The following MATCAP2 variants were observed in gnomAD, a reference collection of about 807,000 sequenced individuals.
MATCAP2 encodes the protein microtubule associated tyrosine carboxypeptidase 2.
chr7:36,348,949 T>C, the MATCAP2 span, among the ~76,000 whole-genome samples: 16 of 152,334 alleles, frequency 1.1e-4, no homozygotes, highest in African/African-American at 3.8e-4. Flanking sequence ...ATTCTGGGAA[T>C]AGCTGAAATA....
At chr7:36,369,799 A>C in the MATCAP2 span, among the ~76,000 whole-genome samples, 1 of 152,208 alleles carries the variant, frequency 6.6e-6, no homozygotes, top group Non-Finnish European at 1.5e-5. Flanking sequence ...GTATACATAC[A>C]TATAAAAATT....
the MATCAP2 span, among the ~76,000 whole-genome samples, chr7:36,360,728 A>C: frequency 6.3e-4 from 96 of 152,328 alleles, no homozygotes; most frequent in African/African-American, 2.2e-3. Flanking sequence ...TTGTGAAAAA[A>C]AGACTTTTGA....
At chr7:36,337,140 G>C in the MATCAP2 span, among the ~76,000 whole-genome samples, 393 of 81,434 alleles carry the variant, frequency 4.8e-3, 2 homozygotes, top group African/African-American at 0.018. Flanking sequence ...TCAGTCTTCT[G>C]CAACAATCTA....
the MATCAP2 span, chr7:36,326,713 A>G: frequency 6.6e-7 from 1 of 1,524,372 alleles, no homozygotes; most frequent in Admixed American, 2.0e-5. Context: ...CTAACTGGTA[A>G]TATACATGGA....
the MATCAP2 span, chr7:36,366,831 G>T: frequency 1.3e-6 from 2 of 1,519,308 alleles, no homozygotes; most frequent in South Asian, 1.2e-5. Flanking sequence ...GCGCCCAGCC[G>T]GTGGCTACCA....
chr7:36,335,597 A>G, the MATCAP2 span, among the ~76,000 whole-genome samples: 2 of 152,256 alleles, frequency 1.3e-5, no homozygotes, highest in Non-Finnish European at 2.9e-5. Flanking sequence ...TTCATTAGCA[A>G]TTTTCATAAA....
At chr7:36,389,082 T>G in the MATCAP2 span, among the ~76,000 whole-genome samples, 1 of 152,172 alleles carries the variant, frequency 6.6e-6, no homozygotes, top group East Asian at 1.9e-4. Flanking sequence ...GGGCTCTTTG[T>G]CTGGCTCTGT....
the MATCAP2 span, among the ~76,000 whole-genome samples, chr7:36,358,617 A>G: frequency 6.6e-6 from 1 of 152,218 alleles, no homozygotes; most frequent in Non-Finnish European, 1.5e-5. Context: ...ACAGATAAGA[A>G]TCACTGGATA....
At chr7:36,384,741 G>A in the MATCAP2 span, among the ~76,000 whole-genome samples, 1 of 152,054 alleles carries the variant, frequency 6.6e-6, no homozygotes, top group Non-Finnish European at 1.5e-5. Flanking sequence ...CCCAAATAAC[G>A]AGGAGCAGAC....
At chr7:36,353,200 G>A in the MATCAP2 span, among the ~76,000 whole-genome samples, 1 of 151,938 alleles carries the variant, frequency 6.6e-6, no homozygotes, top group African/African-American at 2.4e-5. Flanking sequence ...GATCGCTTGT[G>A]CCCAGCAGTT....
the MATCAP2 span, among the ~76,000 whole-genome samples, chr7:36,353,779 C>A: frequency 6.6e-6 from 1 of 152,110 alleles, no homozygotes; most frequent in Non-Finnish European, 1.5e-5. Flanking sequence ...CCATACCCAG[C>A]CTCCTTGTTT....
chr7:36,362,206 T>C, the MATCAP2 span, among the ~76,000 whole-genome samples: 1 of 152,236 alleles, frequency 6.6e-6, no homozygotes, highest in Non-Finnish European at 1.5e-5. Context: ...TTGTCTGCAC[T>C]ATAACAGATA....
At chr7:36,366,858 C>T in the MATCAP2 span, 4 of 1,499,766 alleles carry the variant, frequency 2.7e-6, no homozygotes, top group African/African-American at 2.9e-5. Flanking sequence ...GAGCCCCGGG[C>T]GGCGGGACCC....
At chr7:36,383,430 T>C in the MATCAP2 span, among the ~76,000 whole-genome samples, 1 of 152,152 alleles carries the variant, frequency 6.6e-6, no homozygotes, top group East Asian at 1.9e-4. Flanking sequence ...CCATCAATGA[T>C]AGACTAGATA....
At chr7:36,334,071 G>A in the MATCAP2 span, 1 of 1,614,098 alleles carries the variant, frequency 6.2e-7, no homozygotes, top group South Asian at 1.1e-5. Flanking sequence ...TTCCTCTGTG[G>A]GATTATTTGG....
At chr7:36,382,579 G>A in the MATCAP2 span, among the ~76,000 whole-genome samples, 12 of 151,692 alleles carry the variant, frequency 7.9e-5, no homozygotes, top group Admixed American at 3.3e-4. Flanking sequence ...TGCAAGCTCC[G>A]CCTCCCGGGT....
chr7:36,366,877 C>T, the MATCAP2 span: 23 of 1,474,822 alleles, frequency 1.6e-5, no homozygotes, highest in Non-Finnish European at 2.0e-5. Flanking sequence ...CCCGGTCCGC[C>T]CCGCACCCCC....
the MATCAP2 span, among the ~76,000 whole-genome samples, chr7:36,338,214 T>C: frequency 6.6e-6 from 1 of 152,210 alleles, no homozygotes; most frequent in Non-Finnish European, 1.5e-5. Context: ...TGAATCTCTA[T>C]AACATAACCT....
chr7:36,356,728 GTTTA>G, the MATCAP2 span: 1 of 635,170 alleles, frequency 1.6e-6, no homozygotes, highest in African/African-American at 1.8e-5. Context: ...ATGCAATGGA[GTTTA>G]TATACAGGTA....
Sources: allele counts gnomAD v4.1 joint callset (sites outside exome capture counted in the v4.1 genomes callset), GRCh38; gene constraint gnomAD v4.1.1; transcripts MANE v1.5; gene names NCBI Gene and HGNC (gene_info 2026-07-23, HGNC 2026-07-21).